AGBL1: variants seen among roughly 807,000 people sequenced by gnomAD.
AGBL1 encodes cytosolic carboxypeptidase 4.
In AGBL1, 130 loss-of-function variants were observed where a neutral mutation model predicts 118.9. The observed-to-expected ratio is 1.09, with a 90% CI of 0.95 to 1.26. The LOEUF (loss-of-function observed/expected upper bound fraction) is 1.26. Among genes scored for constraint, AGBL1 ranks in the 50% most tolerant of loss-of-function variants. The probability of loss-of-function intolerance (pLI) is 0.00; values close to 1 mark genes in which losing one functional copy is unlikely to be tolerated. For synonymous variants in AGBL1, 555 were observed against 478.9 expected (o/e 1.16, Z -2.08); for missense variants, 1,584 against 1,298.1 (o/e 1.22, Z -3.38).
At chr15:86,498,865 A>T (rs1045683223) in intron 18 of AGBL1, among the ~76,000 whole-genome samples, 1 of 151,944 alleles carries the variant, frequency 6.6e-6, no homozygotes. Context: ...CAATTGCCAA[A>T]GTACAGGCCT....
At chr15:86,284,827 A>G (rs1370498202) in intron 16 of AGBL1, among the ~76,000 whole-genome samples, 1 of 152,150 alleles carries the variant, frequency 6.6e-6, no homozygotes, top group Non-Finnish European at 1.5e-5. Flanking sequence ...GGAAAGGGAG[A>G]CTGAGGACTC....
intron 5 of AGBL1, among the ~76,000 whole-genome samples, chr15:86,200,556 C>G (rs866354304): frequency 2.1e-5 from 3 of 142,048 alleles, no homozygotes; most frequent in South Asian, 2.4e-4. Context: ...CCCTACCCCC[C>G]CCCCCCTTTT....
chr15:86,177,695 T>C (rs1163025114), intron 5 of AGBL1, among the ~76,000 whole-genome samples: 1 of 152,172 alleles, frequency 6.6e-6, no homozygotes, highest in Non-Finnish European at 1.5e-5. Context: ...AAAGGAACTA[T>C]AGGTCAAAGA....
chr15:86,134,053 A>G (rs1415601891), intron 1 of AGBL1, among the ~76,000 whole-genome samples: 1 of 152,180 alleles, frequency 6.6e-6, no homozygotes, highest in Non-Finnish European at 1.5e-5. Context: ...TCTCCAGGAA[A>G]TGTTTTCCTT....
intron 5 of AGBL1, among the ~76,000 whole-genome samples, chr15:86,207,062 T>C (rs930845435): frequency 3.3e-5 from 5 of 152,224 alleles, no homozygotes; most frequent in Non-Finnish European, 7.3e-5. Flanking sequence ...ATTTATTAAA[T>C]AGGGAATCCT....
At chr15:86,705,635 C>T (rs898255130) in intron 22 of AGBL1, among the ~76,000 whole-genome samples, 1 of 152,108 alleles carries the variant, frequency 6.6e-6, no homozygotes, top group Admixed American at 6.6e-5. Flanking sequence ...CATTATACAG[C>T]CTTAAATTGT....
intron 23 of AGBL1, among the ~76,000 whole-genome samples, chr15:86,940,431 T>G (rs1394209796): frequency 6.6e-6 from 1 of 152,148 alleles, no homozygotes; most frequent in Non-Finnish European, 1.5e-5. Context: ...GATCAGGCAC[T>G]CACTCATTGA....
chr15:86,691,679 A>T (rs1030241851), intron 22 of AGBL1, among the ~76,000 whole-genome samples: 1 of 152,156 alleles, frequency 6.6e-6, no homozygotes, highest in African/African-American at 2.4e-5. Context: ...ATCCTTCTGG[A>T]AGGTCAATAA....
At chr15:86,242,139 T>C (rs2078650657) in intron 6 of AGBL1, among the ~76,000 whole-genome samples, 1 of 152,164 alleles carries the variant, frequency 6.6e-6, no homozygotes, top group African/African-American at 2.4e-5. Flanking sequence ...CTCCCCAGCC[T>C]CACAATTCAC....
chr15:86,945,055 A>C (rs550948875), intron 23 of AGBL1, among the ~76,000 whole-genome samples: 2 of 152,224 alleles, frequency 1.3e-5, no homozygotes, highest in East Asian at 3.9e-4. Flanking sequence ...TATAATTATC[A>C]TGTAAAATGA....
At chr15:86,096,315 A>C (rs1358939647) in intron 1 of AGBL1, among the ~76,000 whole-genome samples, 2 of 152,188 alleles carry the variant, frequency 1.3e-5, no homozygotes, top group Non-Finnish European at 2.9e-5. Flanking sequence ...TTGGAGAGGT[A>C]CTGGAAATAG....
At chr15:86,489,357 A>C (rs1019461795) in intron 18 of AGBL1, among the ~76,000 whole-genome samples, 5 of 152,134 alleles carry the variant, frequency 3.3e-5, no homozygotes, top group African/African-American at 1.2e-4. Context: ...TGCGCTAATG[A>C]TAGTGCCCTA....
intron 19 of AGBL1, among the ~76,000 whole-genome samples, chr15:86,530,585 A>G (rs2083335849): frequency 6.7e-6 from 1 of 150,088 alleles, no homozygotes; most frequent in Non-Finnish European, 1.5e-5. Context: ...CCAGGAATTG[A>G]ACTCAGCTCT....
At chr15:86,671,399 G>A (rs961812035) in intron 21 of AGBL1, among the ~76,000 whole-genome samples, 4 of 152,114 alleles carry the variant, frequency 2.6e-5, no homozygotes, top group African/African-American at 9.7e-5. Flanking sequence ...CCTCGTTTAA[G>A]TCACTATAAT....
intron 1 of AGBL1, among the ~76,000 whole-genome samples, chr15:86,132,217 G>A (rs2076829473): frequency 6.6e-6 from 1 of 152,174 alleles, no homozygotes; most frequent in Non-Finnish European, 1.5e-5. Context: ...TGCTGAGAAT[G>A]AGCTGGGTAG....
At chr15:86,438,405 A>T (rs4887459) in intron 18 of AGBL1, among the ~76,000 whole-genome samples, 65,203 of 151,950 alleles carry the variant, frequency 0.43, 14,636 homozygotes, top group East Asian at 0.82. Flanking sequence ...AATATACTTT[A>T]TCTCTCTCTC....
At chr15:86,980,913 G>A (rs1342279701) in intron 23 of AGBL1, among the ~76,000 whole-genome samples, 2 of 99,104 alleles carry the variant, frequency 2.0e-5, no homozygotes, top group East Asian at 3.0e-4. Flanking sequence ...TTGAGACAGA[G>A]TCTTGCTCTG....
intron 7 of AGBL1, among the ~76,000 whole-genome samples, chr15:86,248,262 A>G (rs2078753915): frequency 6.6e-6 from 1 of 152,232 alleles, no homozygotes; most frequent in Non-Finnish European, 1.5e-5. Flanking sequence ...TGTTGCAGTG[A>G]GCCGAGATCG....
At chr15:87,014,821 T>C (rs1308411381) in intron 24 of AGBL1, among the ~76,000 whole-genome samples, 2 of 152,166 alleles carry the variant, frequency 1.3e-5, no homozygotes, top group South Asian at 2.1e-4. Flanking sequence ...CATTAGAAGA[T>C]TGCTTAAAGA....
Sources: allele counts gnomAD v4.1 joint callset (sites outside exome capture counted in the v4.1 genomes callset), GRCh38; gene constraint gnomAD v4.1.1; transcripts MANE v1.5; gene names NCBI Gene and HGNC (gene_info 2026-07-23, HGNC 2026-07-21).